RNF123: variants seen among roughly 807,000 people sequenced by gnomAD.
RNF123 encodes the protein E3 ubiquitin-protein ligase RNF123.
Under a neutral mutation model 168.5 loss-of-function variants are expected in RNF123, and 86 were observed. The observed-to-expected ratio is 0.51, with a 90% CI of 0.43 to 0.61. The LOEUF is 0.61. RNF123 is among the 20% of genes least tolerant of loss of function. The pLI is 0.00. For missense variants in RNF123, 1,419 were observed against 1,729.7 expected (o/e 0.82, Z 3.19); for synonymous variants, 666 against 689.1 (o/e 0.97, Z 0.52).
intron 20 of RNF123, among the ~76,000 whole-genome samples, chr3:49,703,091 A>G (rs1322060247): frequency 6.6e-6 from 1 of 152,022 alleles, no homozygotes; most frequent in African/African-American, 2.4e-5. Flanking sequence ...TTGAGTCCCC[A>G]AGGGTCAGTG....
rs538462540 is a variant in RNF123, at chr3:49,702,617, T to C, written c.1630-16T>C. On this transcript the variant is annotated splice_polypyrimidine_tract_variant and intron_variant, in intron 19 of 38. Transcript: ENST00000327697. ...TGGACTGGCACCAATGCATGTTTCA[T>C]GCCTGGTGTCCACAGAACATGCCCA... 8 of 1,614,252 alleles carry C rather than the reference T, an allele frequency of 5.0e-6. No homozygotes were observed. The African/African-American group carries it at 6.7e-5, about 13-fold the overall frequency.
intron 8 of RNF123, 66 bp from the exon 9 acceptor site, chr3:49,698,689 G>C: frequency 6.3e-7 from 1 of 1,585,572 alleles, no homozygotes; most frequent in Non-Finnish European, 8.6e-7. Flanking sequence ...TGGAAACGCA[G>C]CTGGGGTTCA....
intron 35 of RNF123, chr3:49,718,214 G>C: frequency 6.2e-7 from 1 of 1,610,754 alleles, no homozygotes; most frequent in Non-Finnish European, 8.5e-7. Context: ...TGGGGCCAGC[G>C]GCGGCAGCGG....
chr3:49,719,652 A>T (rs1350840979), intron 35 of RNF123: 1 of 582,878 alleles, frequency 1.7e-6, no homozygotes, highest in Non-Finnish European at 3.1e-6. Context: ...CGGCACTCTT[A>T]GCCGCGCTCC....
intron 35 of RNF123, chr3:49,718,724 C>T (rs1452024515): frequency 2.5e-6 from 4 of 1,612,988 alleles, no homozygotes; most frequent in Admixed American, 1.7e-5. Flanking sequence ...CATACGTACT[C>T]GCGCGCAAAG....
At chr3:49,712,797 A>G in intron 27 of RNF123, 141 bp downstream of exon 27, 1 of 962,836 alleles carries the variant, frequency 1.0e-6, no homozygotes. Context: ...TCTGTGGTTC[A>G]CCCTGCAGCA....
chr3:49,705,809 G>A (rs1056083586), intron 24 of RNF123, 130 bp downstream of exon 24: 15 of 1,493,682 alleles, frequency 1.0e-5, no homozygotes, highest in African/African-American at 4.1e-5. Flanking sequence ...ATGCCTCAGC[G>A]AGGCTGGTTT....
chr3:49,718,902 C>A (rs768463353), intron 35 of RNF123: 2 of 1,613,694 alleles, frequency 1.2e-6, no homozygotes, highest in Non-Finnish European at 1.7e-6. Flanking sequence ...AGGAGAGGTC[C>A]AGAGTAAGCA....
At chr3:49,700,097 C>CT in intron 12 of RNF123, 130 bp from the exon 13 acceptor site, 1 of 1,342,686 alleles carries the variant, frequency 7.4e-7, no homozygotes, top group Non-Finnish European at 1.0e-6. Flanking sequence ...AAGGGGTCAT[C>CT]TATGTTTGGT....
intron 27 of RNF123, chr3:49,713,146 G>GAGCT (rs2080175711): frequency 1.0e-5 from 6 of 594,586 alleles, no homozygotes; most frequent in Non-Finnish European, 1.8e-5. Context: ...ATCAGGCAGT[G>GAGCT]AGCTGTCAGG....
At chr3:49,692,351 T>C (rs1232253164) in intron 3 of RNF123, among the ~76,000 whole-genome samples, 2 of 152,256 alleles carry the variant, frequency 1.3e-5, no homozygotes, top group African/African-American at 4.8e-5. Flanking sequence ...TAATTTTTAA[T>C]TTTTGTGGGT....
rs772949571 is a variant in RNF123, at chr3:49,702,730, A to G, written c.1727A>G (p.Asn576Ser). 14 of 1,614,056 alleles carry G rather than the reference A, an allele frequency of 8.7e-6. No homozygotes were observed. Among genetic ancestry groups the G allele is most frequent in the Middle Eastern group, 1.6e-4 (1 of 6,084 alleles). The change falls in exon 20 of 39, where the codon AAT becomes AGT. Residue 576 changes from asparagine (N) to serine (S), a missense_variant. By Grantham distance (46) the Asn-to-Ser change is conservative (BLOSUM62 1). Transcript: ENST00000327697. ...RYYWDEYKAS[N>S]PHASFSEEAY... ...TATTGGGATGAATACAAGGCTTCCA[A>G]TCCTCATGCTTCCTTCAGTGAGGGT...
rs1021513529 is a variant in RNF123, at chr3:49,712,921, C to A, written c.2674+265C>A. 24 of 703,142 alleles carry A rather than the reference C, an allele frequency of 3.4e-5. No individual in the cohort carries two copies. In the African/African-American group the frequency reaches 3.7e-4, roughly 11 times the overall value. The allele number at this position is 703,142 out of a possible 1,614,324, so 43.6% of individuals were successfully genotyped here. ...GGTGTAGACCTCTTGGCTTTCACTT[C>A]CTTCCTAGTGCTATGAGCAACTGCC... On this transcript the variant is annotated intron_variant, in intron 27 of 38. Transcript: ENST00000327697.
chr3:49,705,740 T>TATTC, intron 24 of RNF123, 61 bp downstream of exon 24: 1 of 1,607,752 alleles, frequency 6.2e-7, no homozygotes, highest in East Asian at 2.2e-5. Context: ...GTTGTGTGTG[T>TATTC]ATTCCTGTGT....
At chr3:49,702,052 C>T in intron 17 of RNF123, 31 bp from the exon 18 acceptor site, 2 of 1,609,482 alleles carry the variant, frequency 1.2e-6, no homozygotes, top group Non-Finnish European at 1.7e-6. Context: ...CTCCTGGAGC[C>T]TGAGGGCCAT....
chr3:49,708,684 C>T (rs187811282), intron 26 of RNF123, among the ~76,000 whole-genome samples: 1 of 152,370 alleles, frequency 6.6e-6, no homozygotes, highest in Non-Finnish European at 1.5e-5. Flanking sequence ...ATGGCTTTAG[C>T]ATAATGTCCT....
intron 26 of RNF123, among the ~76,000 whole-genome samples, chr3:49,711,738 C>T (rs953509191): frequency 2.0e-5 from 3 of 152,120 alleles, no homozygotes; most frequent in Non-Finnish European, 4.4e-5. Context: ...GAGACCCTGA[C>T]ATAGACTTTG....
intron 5 of RNF123, 76 bp from the exon 6 acceptor site, chr3:49,697,809 G>A (rs2054297979): frequency 1.3e-6 from 2 of 1,572,702 alleles, no homozygotes; most frequent in Non-Finnish European, 1.7e-6. Flanking sequence ...GGCTCAGTTG[G>A]GGATGGGGTC....
Position 49,718,727 on chromosome 3 carries a change from G to T in RNF123, c.3501-1784G>T, listed in dbSNP as rs562552673. ...TTGAAGGCCAAGCATACGTACTCGC[G>T]CGCAAAGTCGCGCACGGCGCTCAGG... On this transcript the variant is annotated intron_variant, in intron 35 of 38. Coordinates refer to ENST00000327697, the MANE Select transcript of RNF123 (RefSeq NM_022064.5). The T allele has an allele frequency of 4.3e-6, 7 of 1,612,968 alleles. No homozygotes were observed. In the East Asian group the frequency reaches 1.3e-4, roughly 31 times the overall value.
Sources: allele counts gnomAD v4.1 joint callset (sites outside exome capture counted in the v4.1 genomes callset), GRCh38; gene constraint gnomAD v4.1.1; transcripts MANE v1.5; gene names NCBI Gene and HGNC (gene_info 2026-07-23, HGNC 2026-07-21).